Variants in RALYL observed in about 807,000 individuals in gnomAD.
RALYL encodes the protein RALY RNA binding protein like.
In RALYL, 29 loss-of-function variants were observed where a neutral mutation model predicts 35.1. The observed-to-expected ratio is 0.83, with a 90% CI of 0.61 to 1.13. RALYL has a LOEUF of 1.13. Among genes scored for constraint, RALYL ranks in the 50% most tolerant of loss-of-function variants. The pLI is 0.00. For missense variants in RALYL, 359 were observed against 360.4 expected (o/e 1.00, Z 0.03); for synonymous variants, 120 against 127.6 (o/e 0.94, Z 0.40).
intron 4 of RALYL, chr8:84,828,786 A>G (rs1830247235): frequency 6.3e-6 from 1 of 157,860 alleles, no homozygotes; most frequent in Admixed American, 6.5e-5. Flanking sequence ...TAGCACAGGA[A>G]AGGATGAATT....
At chr8:84,792,373 A>G (rs943978304) in intron 3 of RALYL, among the ~76,000 whole-genome samples, 3 of 152,056 alleles carry the variant, frequency 2.0e-5, no homozygotes, top group African/African-American at 7.2e-5. Flanking sequence ...TCCCCAGCCA[A>G]ACTCCTCTTG....
intron 1 of RALYL, among the ~76,000 whole-genome samples, chr8:84,285,965 A>G (rs1006875766): frequency 2.6e-5 from 4 of 152,212 alleles, no homozygotes; most frequent in Admixed American, 2.6e-4. Context: ...ATCACTGAGG[A>G]GGCTATTATA....
In RALYL at chr8:84,765,565, A is replaced by G. The variant is rs548524349; in HGVS notation, c.257-9014A>G. ...GGGAAGAATGGCTCCTGCTGTGCTT[A>G]TTTCACAGGGTTGTTCTGAGGATCT... On this transcript the variant is annotated intron_variant, in intron 2 of 8. Coordinates refer to ENST00000521268, the MANE Select transcript of RALYL (RefSeq NM_173848.7). 1.3e-3 allele frequency among the ~76,000 whole-genome samples: 203 copies of G among 152,318 alleles called. 1 individual carries two copies. The highest frequency in any genetic ancestry group is 1.7e-3 in the Non-Finnish European group (118 of 68,026).
intron 1 of RALYL, among the ~76,000 whole-genome samples, chr8:84,280,780 G>A (rs1250800647): frequency 6.6e-6 from 1 of 150,452 alleles, no homozygotes; most frequent in Non-Finnish European, 1.5e-5. Context: ...ACATATATAT[G>A]TATACATATT....
intron 2 of RALYL, among the ~76,000 whole-genome samples, chr8:84,567,029 T>A (rs944395895): frequency 6.6e-6 from 1 of 151,814 alleles, no homozygotes; most frequent in South Asian, 2.1e-4. Context: ...ATGGAAAGAA[T>A]CACTTCTTAA....
intron 2 of RALYL, among the ~76,000 whole-genome samples, chr8:84,663,450 G>C (rs1831304450): frequency 6.6e-6 from 1 of 152,020 alleles, no homozygotes; most frequent in Admixed American, 6.6e-5. Context: ...ACCAACAAAA[G>C]TGTTCCTTTT....
chr8:84,656,012 T>C (rs1440901322), intron 2 of RALYL, among the ~76,000 whole-genome samples: 1 of 152,176 alleles, frequency 6.6e-6, no homozygotes, highest in Non-Finnish European at 1.5e-5. Context: ...AAAATGATGC[T>C]ACCTACTCGA....
intron 1 of RALYL, among the ~76,000 whole-genome samples, chr8:84,456,287 A>G (rs571663142): frequency 2.0e-5 from 3 of 152,130 alleles, no homozygotes; most frequent in South Asian, 4.1e-4. Flanking sequence ...TTTTCTAAGC[A>G]CTGCACATTA....
intron 1 of RALYL, among the ~76,000 whole-genome samples, chr8:84,460,583 T>G (rs1423746110): frequency 1.3e-5 from 2 of 151,648 alleles, no homozygotes; most frequent in Non-Finnish European, 3.0e-5. Context: ...TGTGGTATAA[T>G]GCAATCTAAA....
chr8:84,258,139 C>G (rs1457233157), intron 1 of RALYL, among the ~76,000 whole-genome samples: 1 of 152,072 alleles, frequency 6.6e-6, no homozygotes, highest in Admixed American at 6.6e-5. Context: ...TGTTGTTTAT[C>G]AGGTGTTCAA....
intron 2 of RALYL, among the ~76,000 whole-genome samples, chr8:84,756,994 A>G (rs1021381092): frequency 6.6e-6 from 1 of 152,126 alleles, no homozygotes; most frequent in African/African-American, 2.4e-5. Flanking sequence ...CTGTCATGCT[A>G]TAGCTTGCCT....
intron 1 of RALYL, among the ~76,000 whole-genome samples, chr8:84,345,381 T>C (rs1849649006): frequency 6.6e-6 from 1 of 152,074 alleles, no homozygotes; most frequent in South Asian, 2.1e-4. Flanking sequence ...AAAGGCAGTT[T>C]AGAAATACTT....
At chr8:84,739,729 GATGAATCATTAATAATA>G (rs1847940638) in intron 2 of RALYL, among the ~76,000 whole-genome samples, 1 of 151,846 alleles carries the variant, frequency 6.6e-6, no homozygotes, top group Non-Finnish European at 1.5e-5. Context: ...GAAAGAAACA[GATGAATCATTAATAATA>G]ATGAAAGATG....
intron 1 of RALYL, among the ~76,000 whole-genome samples, chr8:84,494,208 G>T (rs1238450522): frequency 6.6e-6 from 1 of 152,066 alleles, no homozygotes; most frequent in East Asian, 1.9e-4. Flanking sequence ...AAGATCAGAT[G>T]GTTGTACATC....
At chr8:84,313,026 C>T (rs966357634) in intron 1 of RALYL, among the ~76,000 whole-genome samples, 2 of 152,204 alleles carry the variant, frequency 1.3e-5, no homozygotes, top group Non-Finnish European at 2.9e-5. Context: ...CTGAAATTTA[C>T]GTGGAGGCTG....
At chr8:84,776,402 T>A (rs1269084984) in intron 3 of RALYL, among the ~76,000 whole-genome samples, 1 of 152,196 alleles carries the variant, frequency 6.6e-6, no homozygotes, top group African/African-American at 2.4e-5. Context: ...AACATTTTCT[T>A]AAAAATGGAA....
intron 8 of RALYL, among the ~76,000 whole-genome samples, chr8:84,909,797 A>G (rs1010015275): frequency 6.6e-6 from 1 of 152,158 alleles, no homozygotes; most frequent in Non-Finnish European, 1.5e-5. Flanking sequence ...GGCTTGACAT[A>G]TAGTAAGCCC....
chr8:84,360,362 T>C (rs1429293435), intron 1 of RALYL, among the ~76,000 whole-genome samples: 1 of 152,206 alleles, frequency 6.6e-6, no homozygotes, highest in Non-Finnish European at 1.5e-5. Flanking sequence ...ATTAACCCAA[T>C]AAATGTTGTC....
chr8:84,201,314 T>TG (rs1333426853), intron 1 of RALYL, among the ~76,000 whole-genome samples: 2 of 152,218 alleles, frequency 1.3e-5, no homozygotes, highest in Admixed American at 1.3e-4. Flanking sequence ...GAGAATTTGA[T>TG]GGGGAAATAT....
Sources: allele counts gnomAD v4.1 joint callset (sites outside exome capture counted in the v4.1 genomes callset), GRCh38; gene constraint gnomAD v4.1.1; transcripts MANE v1.5; gene names NCBI Gene and HGNC (gene_info 2026-07-23, HGNC 2026-07-21).